The following COL26A1 variants were observed in gnomAD, a reference collection of about 807,000 sequenced individuals.
COL26A1 encodes the protein collagen type XXVI alpha 1 chain.
In COL26A1, 41 loss-of-function variants were observed where a neutral mutation model predicts 59.3. The observed-to-expected ratio is 0.69, with a 90% confidence interval of 0.54 to 0.90. COL26A1 has a LOEUF of 0.90. Among genes scored for constraint, COL26A1 ranks in the 40% least tolerant of loss-of-function variants. The pLI is 0.00. For missense variants in COL26A1, 612 were observed against 602.3 expected, an observed-to-expected ratio of 1.02 and a Z score of -0.17; for synonymous variants, 266 against 256.0, an observed-to-expected ratio of 1.04 and a Z score of -0.37.
intron 3 of COL26A1, among the ~76,000 whole-genome samples, chr7:101,520,660 ACACC>A (rs989426786): frequency 9.9e-5 from 14 of 141,620 alleles, no homozygotes; most frequent in African/African-American, 2.6e-4. Flanking sequence ...ACACACACAC[ACACC>A]CCCGTGTTCT....
chr7:101,499,763 G>C (rs1358132419), intron 3 of COL26A1, among the ~76,000 whole-genome samples: 1 of 151,836 alleles, frequency 6.6e-6, no homozygotes, highest in Non-Finnish European at 1.5e-5. Context: ...TGTGGTCCTA[G>C]CTAATCTGGA....
chr7:101,494,675 C>A (rs1794543067), intron 3 of COL26A1, among the ~76,000 whole-genome samples: 1 of 152,178 alleles, frequency 6.6e-6, no homozygotes, highest in Admixed American at 6.5e-5. Context: ...GCCAATCATG[C>A]AGGTTTGGTG....
At chr7:101,500,245 G>T (rs997283699) in intron 3 of COL26A1, among the ~76,000 whole-genome samples, 5 of 152,184 alleles carry the variant, frequency 3.3e-5, no homozygotes, top group East Asian at 3.8e-4. Flanking sequence ...TGCCGGGAGG[G>T]GGGGCAAGTT....
At chr7:101,453,867 C>T (rs969680793) in intron 3 of COL26A1, among the ~76,000 whole-genome samples, 1 of 152,186 alleles carries the variant, frequency 6.6e-6, no homozygotes, top group East Asian at 1.9e-4. Flanking sequence ...TTTTGCGTCT[C>T]ATTCCTGCCT....
In COL26A1 at chr7:101,363,058, G is replaced by A; in HGVS notation, c.26G>A (p.Trp9Ter). The change falls in exon 1 of 13, where the codon TGG (tryptophan) becomes TAG (stop). Residue 9 changes from tryptophan to a stop codon, truncating the protein, a stop_gained. Coordinates refer to ENST00000313669, the MANE Select transcript of COL26A1 (RefSeq NM_001278563.3). LOFTEE classifies it high-confidence loss of function. The stretch of plus-strand genomic sequence containing the variant: ...ATGAAGCTGGCCCTGCTCCTGCCCT[G>A]GGCGTGTTGCTGCCTCTGCGGGTCG... MKLALLLP[W>*]ACCCLCGSAL... The A allele has an allele frequency of 6.3e-7, 1 of 1,582,562 alleles. No individual in the cohort carries two copies. Among genetic ancestry groups the A allele is most frequent in the Admixed American group, 1.7e-5 (1 of 58,606 alleles).
intron 1 of COL26A1, among the ~76,000 whole-genome samples, chr7:101,397,388 CT>C (rs371128025): frequency 0.018 from 2,685 of 150,256 alleles, 47 homozygotes; most frequent in African/African-American, 0.043. Flanking sequence ...CATCTTCTTT[CT>C]TTTTTTTTAT....
intron 3 of COL26A1, among the ~76,000 whole-genome samples, chr7:101,522,488 G>T (rs1021220542): frequency 3.3e-5 from 5 of 152,194 alleles, no homozygotes; most frequent in Non-Finnish European, 7.3e-5. Context: ...TCCTCACCAT[G>T]TTTGGGAACA....
chr7:101,549,619 T>G (rs1214766322), intron 9 of COL26A1, among the ~76,000 whole-genome samples: 1 of 152,178 alleles, frequency 6.6e-6, no homozygotes, highest in African/African-American at 2.4e-5. Context: ...CGACCTCAAG[T>G]AATCCATCCG....
intron 3 of COL26A1, among the ~76,000 whole-genome samples, chr7:101,473,192 G>A (rs949879493): frequency 6.6e-6 from 1 of 151,496 alleles, no homozygotes; most frequent in South Asian, 2.1e-4. Context: ...CCATTCTTCC[G>A]CCTCAGCCTC....
chr7:101,473,657 C>T (rs1438691728), intron 3 of COL26A1, among the ~76,000 whole-genome samples: 1 of 130,424 alleles, frequency 7.7e-6, no homozygotes, highest in African/African-American at 2.8e-5. Context: ...CACACACAAA[C>T]ACACACAACA....
chr7:101,460,985 T>A (rs2130425453), intron 3 of COL26A1, among the ~76,000 whole-genome samples: 1 of 152,124 alleles, frequency 6.6e-6, no homozygotes, highest in East Asian at 1.9e-4. Flanking sequence ...GGGATGTTAC[T>A]TTATTTTATT....
chr7:101,402,678 C>CCCTCCCTCCTTT (rs1159318813), intron 1 of COL26A1, among the ~76,000 whole-genome samples: 2 of 114,742 alleles, frequency 1.7e-5, no homozygotes, highest in African/African-American at 6.9e-5. Flanking sequence ...CTCCCTCCTT[C>CCCTCCCTCCTTT]CCTCCCTCCT....
chr7:101,399,401 G>A (rs150937710), intron 1 of COL26A1, among the ~76,000 whole-genome samples: 83 of 152,118 alleles, frequency 5.5e-4, no homozygotes, highest in African/African-American at 2.0e-3. Flanking sequence ...TCAGCTCACT[G>A]GAACCTCCAT....
chr7:101,475,352 T>C (rs1794007047), intron 3 of COL26A1, among the ~76,000 whole-genome samples: 1 of 152,058 alleles, frequency 6.6e-6, no homozygotes, highest in African/African-American at 2.4e-5. Context: ...TGATCTACTT[T>C]AGAGGAAAGT....
chr7:101,477,985 TA>T (rs1215474290), intron 3 of COL26A1, among the ~76,000 whole-genome samples: 4 of 152,200 alleles, frequency 2.6e-5, no homozygotes, highest in African/African-American at 9.6e-5. Flanking sequence ...ATTTCTTTTT[TA>T]TTTATTTATT....
intron 1 of COL26A1, among the ~76,000 whole-genome samples, chr7:101,400,006 G>A (rs979728850): frequency 3.9e-5 from 6 of 152,146 alleles, no homozygotes; most frequent in Non-Finnish European, 7.3e-5. Context: ...AGTCATGTCC[G>A]GGGGTGGTAC....
At chr7:101,551,276 G>A in intron 10 of COL26A1, 133 bp downstream of exon 10, 1 of 953,228 alleles carries the variant, frequency 1.0e-6, no homozygotes, top group Non-Finnish European at 1.6e-6. Flanking sequence ...CAGGCAACAG[G>A]GAGGGACTGA....
At chr7:101,411,385 A>G (rs1325957640) in intron 1 of COL26A1, among the ~76,000 whole-genome samples, 1 of 151,914 alleles carries the variant, frequency 6.6e-6, no homozygotes. Context: ...TCTGTGCTTG[A>G]GAGCGCGCCC....
At chr7:101,387,776 A>ATTTTTTTTTTTTTTTTTTT (rs1445116473) in intron 1 of COL26A1, among the ~76,000 whole-genome samples, 23 of 84,744 alleles carry the variant, frequency 2.7e-4, no homozygotes, top group Non-Finnish European at 3.6e-4. Flanking sequence ...ATATATATAT[A>ATTTTTTTTTTTTTTTTTTT]TATTTTTTTT....
Sources: gnomAD v4.1 joint callset for allele counts (sites outside exome capture counted in the v4.1 genomes callset) on GRCh38, gnomAD v4.1.1 for gene constraint, MANE v1.5 for transcripts, NCBI Gene and HGNC (gene_info 2026-07-23, HGNC 2026-07-21) for gene names.